BRSK2: variants seen among roughly 807,000 people sequenced by gnomAD.
The protein encoded by BRSK2 is BR serine/threonine kinase 2.
Under a neutral mutation model 83.3 loss-of-function variants are expected in BRSK2, and 19 were observed. The ratio of observed to expected loss-of-function variants is 0.23; its 90% CI spans 0.16 to 0.33. The LOEUF is 0.33. Ranked by LOEUF, BRSK2 falls within the 10% of genes least tolerant of loss-of-function variation. The pLI is 1.00. For synonymous variants in BRSK2, 519 were observed against 435.4 expected (o/e 1.19, Z -2.39); for missense variants, 798 against 1,042.3 (o/e 0.77, Z 3.23).
At chr11:1,411,642 C>T (rs1361928459) in intron 1 of BRSK2, 16 of 1,539,438 alleles carry the variant, frequency 1.0e-5, no homozygotes, top group Non-Finnish European at 1.2e-5. Flanking sequence ...AGGTGCGTGC[C>T]ACGCTCCCTG....
intron 1 of BRSK2, among the ~76,000 whole-genome samples, chr11:1,425,154 G>A (rs1286100544): frequency 1.3e-5 from 2 of 152,346 alleles, no homozygotes; most frequent in East Asian, 1.9e-4. Context: ...GGTCGGTCCC[G>A]GCGCTCTCAG....
chr11:1,418,394 C>T (rs1440332757), intron 1 of BRSK2, among the ~76,000 whole-genome samples: 1 of 144,656 alleles, frequency 6.9e-6, no homozygotes, highest in Non-Finnish European at 1.5e-5. Flanking sequence ...CTGTATCCTG[C>T]TTCTGTTGGC....
intron 1 of BRSK2, among the ~76,000 whole-genome samples, chr11:1,426,035 C>G (rs1849172138): frequency 6.6e-6 from 1 of 152,246 alleles, no homozygotes; most frequent in Non-Finnish European, 1.5e-5. Flanking sequence ...CCCCTAAACC[C>G]AGTGCTCTGG....
intron 1 of BRSK2, among the ~76,000 whole-genome samples, chr11:1,433,302 C>A (rs980080775): frequency 3.9e-5 from 6 of 152,366 alleles, no homozygotes; most frequent in Admixed American, 3.3e-4. Context: ...GGGGCTTTGA[C>A]CACAGCCTCC....
chr11:1,394,917 G>C (rs1845972525), intron 1 of BRSK2, among the ~76,000 whole-genome samples: 1 of 140,306 alleles, frequency 7.1e-6, no homozygotes, highest in Non-Finnish European at 1.6e-5. Context: ...CCATGGAGAT[G>C]GGTCCTGGAG....
intron 4 of BRSK2, among the ~76,000 whole-genome samples, chr11:1,442,258 C>T (rs1851444629): frequency 6.6e-6 from 1 of 152,008 alleles, no homozygotes; most frequent in African/African-American, 2.4e-5. Flanking sequence ...TGCCAGGGTG[C>T]AGGAGGGCAT....
rs540141139 is a variant in BRSK2, at chr11:1,414,287, C to T, written c.92-21753C>T. Among the ~76,000 whole-genome samples the T allele has an allele frequency of 1.8e-4, 28 of 152,292 alleles. No homozygotes were observed. The South Asian group carries it at 3.7e-3, about 20-fold the overall frequency. ...CCTGGGAGTGTCCAGGCTGCTTCTC[C>T]GCCTGGAAAGGTGTCTCCATGCCCC... On this transcript the variant is annotated intron_variant, in intron 1 of 19. Transcript: ENST00000528841.
chr11:1,438,456 T>C lies in BRSK2; in HGVS notation c.272+65T>C. ...TGGCAGCTGTCGCTGCAGGGGTGGG[T>C]GTCTGGGGCTTGGGGAGCACAGGGG... On this transcript the variant is annotated intron_variant, in intron 3 of 19. Coordinates refer to ENST00000528841, the MANE Select transcript of BRSK2 (RefSeq NM_001256627.2). This position sits in a 1 kb window ranked among gnomAD's most constrained non-coding sequence, Gnocchi z 6.4. The C allele has an allele frequency of 6.8e-7, 1 of 1,464,110 alleles. No individual in the cohort carries two copies. Among genetic ancestry groups the C allele is most frequent in the Non-Finnish European group, 9.5e-7 (1 of 1,047,444 alleles). The allele number at this position is 1,464,110 out of a possible 1,614,324, so 90.7% of individuals were successfully genotyped here.
intron 1 of BRSK2, among the ~76,000 whole-genome samples, chr11:1,396,502 C>G (rs1846129553): frequency 6.6e-6 from 1 of 152,228 alleles, no homozygotes; most frequent in African/African-American, 2.4e-5. Flanking sequence ...ACAGGAGACC[C>G]CCTCCAGGCT....
At chr11:1,457,257 C>A (rs2133273036) in intron 18 of BRSK2, among the ~76,000 whole-genome samples, 1 of 152,240 alleles carries the variant, frequency 6.6e-6, no homozygotes, top group Middle Eastern at 3.4e-3. Context: ...GACTCCCCGC[C>A]ATGGCACCCT....
rs372419369 is a variant in BRSK2, at chr11:1,441,120, C to T, written c.413+192C>T. Among the ~76,000 whole-genome samples the T allele has an allele frequency of 1.7e-4, 25 of 144,782 alleles. No homozygotes were observed. In the East Asian group the frequency reaches 2.3e-3, roughly 13 times the overall value. The allele number at this position is 144,782 out of a possible 152,430, so 95.0% of individuals were successfully genotyped here. A position where few individuals can be genotyped will look rare whatever the true frequency, so the allele number is the denominator to read the frequency against. On this transcript the variant is annotated intron_variant, in intron 4 of 19. Transcript: ENST00000528841. ...TTAGCTGCCCCTCAAGTGCACTGTC[C>T]CCTCCATTAGCTACCCCTCAAGTGC... is the stretch of plus-strand genomic sequence containing the variant.
At chr11:1,402,468 C>T (rs766651390) in intron 1 of BRSK2, among the ~76,000 whole-genome samples, 11 of 152,238 alleles carry the variant, frequency 7.2e-5, no homozygotes, top group Non-Finnish European at 1.0e-4. Flanking sequence ...GCCTGAGCCC[C>T]GCCTCCGGGG....
At chr11:1,404,825 T>C (rs1249071767) in intron 1 of BRSK2, among the ~76,000 whole-genome samples, 2 of 152,132 alleles carry the variant, frequency 1.3e-5, no homozygotes, top group South Asian at 4.1e-4. Flanking sequence ...CGACGGCTCC[T>C]CTGGGACAGG....
rs61868971 is a variant in BRSK2 at position 1,425,347 on chromosome 11, C to G, written c.92-10693C>G. Among the ~76,000 whole-genome samples the G allele has an allele frequency of 2.0e-5, 3 of 152,062 alleles. 1 individual carries two copies. The highest frequency in any genetic ancestry group is 4.4e-5 in the Non-Finnish European group (3 of 67,976). The stretch of plus-strand genomic sequence containing the variant: ...GTGTGGGGGCCTCGGGTCCTCAGCA[C>G]GTGGACGCCCTGCAGGGCACTGCTG... On this transcript the variant is annotated intron_variant, in intron 1 of 19. Transcript: ENST00000528841.
At chr11:1,412,787 T>A (rs898586696) in intron 1 of BRSK2, among the ~76,000 whole-genome samples, 1 of 149,488 alleles carries the variant, frequency 6.7e-6, no homozygotes, top group Non-Finnish European at 1.5e-5. Flanking sequence ...GCTGCACAGA[T>A]CAACCCAGGC....
At position 1,426,941 on chromosome 11, in the gene BRSK2, C is replaced by T. The variant is rs764853213; in HGVS notation, c.92-9099C>T. Reference sequence around the variant, plus strand: ...GCATGCGGGAGATGGGGGGGCGGCACCCCAGGCTGTCCCCATACCTGCTGC... The same window carrying T: ...GCATGCGGGAGATGGGGGGGCGGCATCCCAGGCTGTCCCCATACCTGCTGC... On this transcript the variant is annotated intron_variant, in intron 1 of 19. Transcript: ENST00000528841. 1.8e-3 allele frequency among the ~76,000 whole-genome samples: 272 copies of T among 152,242 alleles called. 1 individual carries two copies. The Middle Eastern group carries it at 0.027, about 15-fold the overall frequency.
chr11:1,428,072 C>CCA (rs1849458726), intron 1 of BRSK2, among the ~76,000 whole-genome samples: 1 of 152,140 alleles, frequency 6.6e-6, no homozygotes, highest in Non-Finnish European at 1.5e-5. Flanking sequence ...AAAGGACTTT[C>CCA]TAGGCATAGG....
At chr11:1,449,983 C>T (rs1845608170) in intron 13 of BRSK2, 147 bp downstream of exon 13, 1 of 602,406 alleles carries the variant, frequency 1.7e-6, no homozygotes, top group Non-Finnish European at 3.0e-6. Flanking sequence ...GCGGCTGCTG[C>T]TCTGTGGCGC....
chr11:1,397,582 G>A (rs1277234602), intron 1 of BRSK2, among the ~76,000 whole-genome samples: 1 of 152,252 alleles, frequency 6.6e-6, no homozygotes, highest in Non-Finnish European at 1.5e-5. Context: ...GGCCTGGGCT[G>A]CAGGCTGGGC....
Sources: gnomAD v4.1 joint callset for allele counts (sites outside exome capture counted in the v4.1 genomes callset) on GRCh38, gnomAD v4.1.1 for gene constraint, Gnocchi (gnomAD v3.1) non-coding constraint, MANE v1.5 for transcripts, NCBI Gene and HGNC (gene_info 2026-07-23, HGNC 2026-07-21) for gene names.